Variants in GRID1 observed in about 807,000 individuals in gnomAD.
GRID1 encodes the protein glutamate receptor ionotropic, delta-1.
Under a neutral mutation model 98.0 loss-of-function variants are expected in GRID1, and 28 were observed. The ratio of observed to expected loss-of-function variants is 0.29; its 90% confidence interval spans 0.21 to 0.39. The LOEUF (loss-of-function observed/expected upper bound fraction) is 0.39, where lower values mean the gene tolerates loss of function less well. Ranked by LOEUF, GRID1 falls within the 10% of genes least tolerant of loss-of-function variation. The pLI is 1.00. For synonymous variants in GRID1, 553 were observed against 538.5 expected (o/e 1.03, Z -0.37); for missense variants, 1,111 against 1,340.5 (o/e 0.83, Z 2.67).
At chr10:85,955,201 T>C (rs1842173410) in intron 4 of GRID1, among the ~76,000 whole-genome samples, 1 of 152,100 alleles carries the variant, frequency 6.6e-6, no homozygotes, top group Non-Finnish European at 1.5e-5. Context: ...AGGGAAGAAC[T>C]TACTCACTCA....
At chr10:86,179,940 C>G (rs916150760) in intron 3 of GRID1, among the ~76,000 whole-genome samples, 1 of 152,148 alleles carries the variant, frequency 6.6e-6, no homozygotes, top group Non-Finnish European at 1.5e-5. Context: ...TGCACATGGG[C>G]GGGAGGGAGC....
At chr10:86,318,305 C>T (rs936827543) in intron 2 of GRID1, among the ~76,000 whole-genome samples, 5 of 152,252 alleles carry the variant, frequency 3.3e-5, no homozygotes, top group Non-Finnish European at 7.3e-5. Flanking sequence ...TAATTCTGCA[C>T]ATCGCATGTA....
intron 2 of GRID1, among the ~76,000 whole-genome samples, chr10:86,285,271 T>C (rs1410323858): frequency 1.3e-5 from 2 of 152,102 alleles, no homozygotes; most frequent in Non-Finnish European, 2.9e-5. Context: ...AGACACCCTC[T>C]CCCGCCTCTG....
chr10:86,272,978 T>C (rs944975995), intron 2 of GRID1, among the ~76,000 whole-genome samples: 14 of 152,194 alleles, frequency 9.2e-5, no homozygotes, highest in African/African-American at 3.4e-4. Context: ...TAGCTACATA[T>C]GTATACATGT....
At position 85,736,230 on chromosome 10, in the gene GRID1, G is replaced by C. The variant is rs1007747173; in HGVS notation, c.1234-6616C>G. Reference sequence around the variant, plus strand: ...AAGCAAAGAAGGAGGGAAGGAAGGAGAGAAGGAGGGAAGGAAGGAGAGAAG... The same window carrying C: ...AAGCAAAGAAGGAGGGAAGGAAGGACAGAAGGAGGGAAGGAAGGAGAGAAG... On this transcript the variant is annotated intron_variant, in intron 8 of 15. Coordinates refer to ENST00000327946, the MANE Select transcript of GRID1 (RefSeq NM_017551.3). Among the ~76,000 whole-genome samples, 8 of 132,324 alleles carry C rather than the reference G, an allele frequency of 6.0e-5. No homozygotes were observed. The East Asian group carries it at 1.7e-3, about 28-fold the overall frequency. The allele number at this position is 132,324 out of a possible 152,430, so 86.8% of individuals were successfully genotyped here. A position where few individuals can be genotyped will look rare whatever the true frequency, so the allele number is the denominator to read the frequency against.
chr10:85,832,544 G>A (rs2131763030), intron 8 of GRID1, among the ~76,000 whole-genome samples: 1 of 152,224 alleles, frequency 6.6e-6, no homozygotes. Flanking sequence ...AGTTTCTGAA[G>A]AAGATGATGT....
intron 2 of GRID1, among the ~76,000 whole-genome samples, chr10:86,299,049 G>A (rs1010985495): frequency 2.0e-5 from 3 of 151,962 alleles, no homozygotes; most frequent in East Asian, 1.9e-4. Context: ...ACCCCCACCC[G>A]GCCCTATAAG....
At chr10:85,866,965 A>G (rs1265289985) in intron 6 of GRID1, among the ~76,000 whole-genome samples, 1 of 152,082 alleles carries the variant, frequency 6.6e-6, no homozygotes, top group East Asian at 1.9e-4. Context: ...CTGACACTGC[A>G]TTTACCTCAT....
At chr10:86,175,152 C>G (rs937003021) in intron 3 of GRID1, among the ~76,000 whole-genome samples, 2 of 152,050 alleles carry the variant, frequency 1.3e-5, no homozygotes, top group Non-Finnish European at 2.9e-5. Flanking sequence ...TGTGAATATG[C>G]GTGGCAGGGG....
chr10:86,031,419 G>A (rs1320311021), intron 4 of GRID1, among the ~76,000 whole-genome samples: 1 of 152,110 alleles, frequency 6.6e-6, no homozygotes, highest in Non-Finnish European at 1.5e-5. Context: ...AGGGGGGGCA[G>A]GAGGAGGGTC....
intron 2 of GRID1, among the ~76,000 whole-genome samples, chr10:86,273,155 A>G (rs1158342503): frequency 6.6e-6 from 1 of 151,586 alleles, no homozygotes; most frequent in Non-Finnish European, 1.5e-5. Context: ...GAGTGAGAAC[A>G]TGCGGTGTTT....
At chr10:85,804,429 C>A (rs1842604125) in intron 8 of GRID1, among the ~76,000 whole-genome samples, 1 of 151,814 alleles carries the variant, frequency 6.6e-6, no homozygotes, top group African/African-American at 2.4e-5. Context: ...TGGCTTTACA[C>A]AACCATATGG....
intron 5 of GRID1, among the ~76,000 whole-genome samples, chr10:85,902,565 T>C (rs554123258): frequency 4.6e-5 from 7 of 152,302 alleles, no homozygotes; most frequent in Admixed American, 3.3e-4. Context: ...AATTCAGATA[T>C]TGCTGGGATT....
intron 8 of GRID1, among the ~76,000 whole-genome samples, chr10:85,830,517 A>C (rs1212489684): frequency 6.8e-6 from 1 of 147,506 alleles, no homozygotes; most frequent in East Asian, 2.0e-4. Flanking sequence ...CAGAGTAAAC[A>C]GACAACTTAC....
chr10:85,673,070 C>T (rs1448299435), intron 12 of GRID1, among the ~76,000 whole-genome samples: 1 of 152,018 alleles, frequency 6.6e-6, no homozygotes, highest in Non-Finnish European at 1.5e-5. Flanking sequence ...TGATTCCAAC[C>T]CTGATGGATG....
intron 10 of GRID1, 135 bp downstream of exon 10, chr10:85,727,719 CT>C: frequency 1.5e-6 from 1 of 653,652 alleles, no homozygotes; most frequent in South Asian, 1.8e-5. Context: ...ACAAAAGAGC[CT>C]TTGTGTGGGG....
chr10:85,640,070 A>T (rs1363546107), intron 13 of GRID1, among the ~76,000 whole-genome samples: 1 of 150,492 alleles, frequency 6.6e-6, no homozygotes, highest in Non-Finnish European at 1.5e-5. Context: ...CACTTGTTCA[A>T]AGCCACAGAC....
intron 2 of GRID1, among the ~76,000 whole-genome samples, chr10:86,261,839 G>A (rs2607827): frequency 0.68 from 103,809 of 151,966 alleles, 35,890 homozygotes; most frequent in Non-Finnish European, 0.71. Flanking sequence ...ACCCCTGGAG[G>A]TCACACAAGG....
chr10:86,190,897 TGTAC>T (rs1290834128), intron 3 of GRID1, among the ~76,000 whole-genome samples: 7 of 150,902 alleles, frequency 4.6e-5, no homozygotes, highest in African/African-American at 1.7e-4. Context: ...TGCATGAGTG[TGTAC>T]GTGCATGCAT....
Sources: allele counts gnomAD v4.1 joint callset (sites outside exome capture counted in the v4.1 genomes callset), GRCh38; gene constraint gnomAD v4.1.1; transcripts MANE v1.5; gene names NCBI Gene and HGNC (gene_info 2026-07-23, HGNC 2026-07-21).